CCSER2: variants seen among roughly 807,000 people sequenced by gnomAD.
The protein encoded by CCSER2 is coiled-coil serine rich protein 2.
Under a neutral mutation model 92.3 loss-of-function variants are expected in CCSER2, and 46 were observed. The ratio of observed to expected loss-of-function variants is 0.50; its 90% CI spans 0.39 to 0.64. The LOEUF is 0.64. CCSER2 is among the 30% of genes least tolerant of loss of function. CCSER2 has a pLI of 0.00. For synonymous variants in CCSER2, 433 were observed against 431.4 expected (o/e 1.00, Z -0.04); for missense variants, 1,244 against 1,238.9 (o/e 1.00, Z -0.06).
chr10:84,408,735 C>T (rs1257071684), intron 3 of CCSER2, among the ~76,000 whole-genome samples: 1 of 152,202 alleles, frequency 6.6e-6, no homozygotes, highest in African/African-American at 2.4e-5. Context: ...CTGCTCTGGA[C>T]TTAGAGCACA....
intron 6 of CCSER2, among the ~76,000 whole-genome samples, chr10:84,444,327 A>G (rs1213894661): frequency 2.0e-5 from 3 of 152,200 alleles, no homozygotes; most frequent in Non-Finnish European, 4.4e-5. Flanking sequence ...AGGGATATGT[A>G]GAAAATGAAT....
At chr10:84,373,283 A>G (rs1846164556) in intron 2 of CCSER2, among the ~76,000 whole-genome samples, 1 of 152,138 alleles carries the variant, frequency 6.6e-6, no homozygotes, top group African/African-American at 2.4e-5. Context: ...AATAGTGTAC[A>G]CAGAGGAAAA....
chr10:84,467,472 A>G (rs957668540), intron 7 of CCSER2, among the ~76,000 whole-genome samples: 4 of 150,736 alleles, frequency 2.7e-5, no homozygotes, highest in Non-Finnish European at 4.4e-5. Flanking sequence ...ATGTGTGTGT[A>G]TGTGTGTGTG....
intron 9 of CCSER2, among the ~76,000 whole-genome samples, chr10:84,494,212 G>A (rs1204686861): frequency 1.3e-5 from 2 of 152,188 alleles, no homozygotes; most frequent in Non-Finnish European, 2.9e-5. Flanking sequence ...GGAGACCCAT[G>A]ATGTAGGGTA....
intron 9 of CCSER2, among the ~76,000 whole-genome samples, chr10:84,482,118 C>T (rs1175350387): frequency 1.3e-5 from 2 of 151,842 alleles, no homozygotes; most frequent in African/African-American, 4.8e-5. Flanking sequence ...TCAGTAAAAG[C>T]AGTTTTCAGA....
At chr10:84,347,434 A>T (rs544628717) in intron 1 of CCSER2, among the ~76,000 whole-genome samples, 82 of 143,816 alleles carry the variant, frequency 5.7e-4, no homozygotes, top group Middle Eastern at 4.3e-3. Flanking sequence ...TCCCTCCCGG[A>T]CGGGTCGGCT....
chr10:84,465,967 T>C (rs1423351051), intron 7 of CCSER2, among the ~76,000 whole-genome samples: 3 of 152,168 alleles, frequency 2.0e-5, no homozygotes, highest in East Asian at 3.9e-4. Context: ...CTCAATCTCC[T>C]GACCTTGTGA....
chr10:84,493,433 A>G (rs1051145290), intron 9 of CCSER2, among the ~76,000 whole-genome samples: 22 of 152,186 alleles, frequency 1.4e-4, no homozygotes, highest in Middle Eastern at 6.8e-3. Context: ...CTGTTTTTCT[A>G]TGTTCAATTT....
intron 9 of CCSER2, among the ~76,000 whole-genome samples, chr10:84,497,107 T>G (rs867172085): frequency 5.3e-5 from 8 of 152,224 alleles, no homozygotes; most frequent in African/African-American, 1.7e-4. Context: ...ATAGAAGAAT[T>G]TTTAAGATAC....
At chr10:84,397,410 C>T (rs1163715148) in intron 3 of CCSER2, among the ~76,000 whole-genome samples, 1 of 152,204 alleles carries the variant, frequency 6.6e-6, no homozygotes, top group Non-Finnish European at 1.5e-5. Flanking sequence ...GTTAAATGGG[C>T]ACTGATGGAT....
intron 9 of CCSER2, among the ~76,000 whole-genome samples, chr10:84,483,977 A>AATTTTTT: frequency 8.6e-6 from 1 of 116,244 alleles, no homozygotes; most frequent in East Asian, 2.6e-4. Flanking sequence ...ATATATATAT[A>AATTTTTT]TATATATATA....
intron 1 of CCSER2, among the ~76,000 whole-genome samples, chr10:84,363,383 G>C (rs1196948031): frequency 6.6e-6 from 1 of 152,010 alleles, no homozygotes; most frequent in African/African-American, 2.4e-5. Flanking sequence ...TATGAAAGAA[G>C]TAGTTGAGTA....
rs1589484116 is a variant in CCSER2, at chr10:84,377,245, GTTTGTGAAGTCTTTTCCCACCT to G, written c.1614+3432_1614+3453del. ...TACCGTTACCACTTTTTAAAAAACT[GTTTGTGAAGTCTTTTCCCACCT>G]TAATATCATGAATATATGTTTCAAT... is the stretch of plus-strand genomic sequence containing the variant. On this transcript the variant is annotated intron_variant, in intron 3 of 9. Transcript: ENST00000372088. 2.0e-5 allele frequency among the ~76,000 whole-genome samples: 3 copies of G among 152,130 alleles called. No individual in the cohort carries two copies. In the East Asian group the frequency reaches 5.8e-4, roughly 29 times the overall value.
intron 9 of CCSER2, among the ~76,000 whole-genome samples, chr10:84,489,294 G>A (rs1334684650): frequency 6.6e-6 from 1 of 152,102 alleles, no homozygotes; most frequent in Non-Finnish European, 1.5e-5. Flanking sequence ...GGATCTCGTT[G>A]TTAACTTTCT....
At chr10:84,441,625 T>G (rs1034014243) in intron 6 of CCSER2, among the ~76,000 whole-genome samples, 5 of 151,960 alleles carry the variant, frequency 3.3e-5, no homozygotes, top group African/African-American at 9.7e-5. Context: ...TGGATATCAG[T>G]GGACCCTCAG....
At chr10:84,399,826 A>G (rs1482683204) in intron 3 of CCSER2, among the ~76,000 whole-genome samples, 4 of 117,178 alleles carry the variant, frequency 3.4e-5, no homozygotes, top group Admixed American at 9.1e-5. Context: ...GAGAGATTTC[A>G]TAGAGTTTAT....
At chr10:84,367,280 A>G (rs551225692) in intron 1 of CCSER2, among the ~76,000 whole-genome samples, 1 of 150,950 alleles carries the variant, frequency 6.6e-6, no homozygotes, top group South Asian at 2.1e-4. Flanking sequence ...CTTCCATTTA[A>G]TTAGTTATTC....
chr10:84,510,079 C>T (rs1849273070), intron 9 of CCSER2, among the ~76,000 whole-genome samples: 1 of 152,162 alleles, frequency 6.6e-6, no homozygotes, highest in African/African-American at 2.4e-5. Flanking sequence ...CCATCATCTA[C>T]AGCACAAAGT....
At chr10:84,468,848 A>C (rs1297014699) in intron 7 of CCSER2, among the ~76,000 whole-genome samples, 2 of 152,292 alleles carry the variant, frequency 1.3e-5, no homozygotes, top group East Asian at 3.9e-4. Flanking sequence ...GCTCTTAAAC[A>C]TACAGATGTA....
Sources: gnomAD v4.1 joint callset for allele counts (sites outside exome capture counted in the v4.1 genomes callset) on GRCh38, gnomAD v4.1.1 for gene constraint, MANE v1.5 for transcripts, NCBI Gene and HGNC (gene_info 2026-07-23, HGNC 2026-07-21) for gene names.